The following LARS2 variants were observed in gnomAD, a reference collection of about 807,000 sequenced individuals.
LARS2 encodes leucine--tRNA ligase, mitochondrial.
In LARS2, 81 loss-of-function variants were observed where a neutral mutation model predicts 116.6. The observed-to-expected ratio is 0.69, with a 90% CI of 0.58 to 0.84. The LOEUF is 0.84. Among genes scored for constraint, LARS2 ranks in the 40% least tolerant of loss-of-function variants. The pLI is 0.00. For missense variants in LARS2, 968 were observed against 1,114.5 expected (o/e 0.87, Z 1.87); for synonymous variants, 396 against 407.2 (o/e 0.97, Z 0.33).
intron 10 of LARS2, among the ~76,000 whole-genome samples, chr3:45,484,403 A>G (rs9874720): frequency 0.8 from 119,122 of 149,266 alleles, 51,721 homozygotes; most frequent in East Asian, 0.98. Flanking sequence ...CCAGCTCTCC[A>G]TATAGTCACA....
chr3:45,426,703 T>C (rs1354012817), intron 6 of LARS2, among the ~76,000 whole-genome samples: 1 of 152,096 alleles, frequency 6.6e-6, no homozygotes, highest in East Asian at 1.9e-4. Flanking sequence ...CAAAAACATA[T>C]GAGGTGTGTT....
chr3:45,520,562 C>T (rs958953529), intron 19 of LARS2, among the ~76,000 whole-genome samples: 1 of 152,186 alleles, frequency 6.6e-6, no homozygotes, highest in Non-Finnish European at 1.5e-5. Flanking sequence ...GATGACATGT[C>T]TGGTTGATTA....
intron 9 of LARS2, among the ~76,000 whole-genome samples, chr3:45,475,784 G>T (rs1352854841): frequency 6.6e-6 from 1 of 152,196 alleles, no homozygotes; most frequent in Non-Finnish European, 1.5e-5. Flanking sequence ...CACCTAATTG[G>T]CAGTTAGGCC....
chr3:45,524,075 C>T lies in LARS2; in HGVS notation c.2371C>T (p.Leu791=). The change falls in exon 20 of 22, where the codon CTG becomes TTG. Residue 791 remains leucine (L), a synonymous_variant. Transcript: ENST00000645846. ...LCALMVMAAP[L]APHVTSEIWA... Reference sequence around the variant, plus strand: ...TGCCCTGATGGTAATGGCTGCTCCACTGGCCCCTCATGTAACCTCAGAGAT... The same window carrying T: ...TGCCCTGATGGTAATGGCTGCTCCATTGGCCCCTCATGTAACCTCAGAGAT... 1 of 1,613,654 alleles carries T rather than the reference C, an allele frequency of 6.2e-7. No individual in the cohort carries two copies. Among genetic ancestry groups the T allele is most frequent in the Non-Finnish European group, 8.5e-7 (1 of 1,179,550 alleles).
intron 6 of LARS2, among the ~76,000 whole-genome samples, chr3:45,429,862 C>G (rs555637808): frequency 1.3e-5 from 2 of 151,480 alleles, no homozygotes; most frequent in South Asian, 4.2e-4. Context: ...CCACCACACC[C>G]AGCTGATTTT....
chr3:45,429,718 T>TTTTTTTC (rs1272652354), intron 6 of LARS2, among the ~76,000 whole-genome samples: 2 of 150,198 alleles, frequency 1.3e-5, no homozygotes, highest in African/African-American at 4.9e-5. Flanking sequence ...TTTTTTTTTT[T>TTTTTTTC]TGAGATAGGG....
chr3:45,490,556 G>A (rs1184433560), intron 12 of LARS2, among the ~76,000 whole-genome samples: 2 of 152,252 alleles, frequency 1.3e-5, no homozygotes, highest in Non-Finnish European at 2.9e-5. Flanking sequence ...TTTGCATCAC[G>A]ACTGTGATAA....
intron 4 of LARS2, among the ~76,000 whole-genome samples, chr3:45,409,561 A>G (rs1168416091): frequency 1.3e-5 from 2 of 152,226 alleles, no homozygotes; most frequent in African/African-American, 4.8e-5. Context: ...GGAAGGGACA[A>G]GCTTTGGTAT....
intron 6 of LARS2, among the ~76,000 whole-genome samples, chr3:45,424,244 C>T (rs774468149): frequency 6.6e-6 from 1 of 152,048 alleles, no homozygotes; most frequent in Non-Finnish European, 1.5e-5. Flanking sequence ...ATCATAGAGT[C>T]GAAAATACAT....
intron 8 of LARS2, among the ~76,000 whole-genome samples, chr3:45,467,296 T>C (rs568958422): frequency 6.6e-6 from 1 of 152,314 alleles, no homozygotes; most frequent in South Asian, 2.1e-4. Flanking sequence ...TACTGTGTTT[T>C]TCAAAATAAC....
intron 10 of LARS2, among the ~76,000 whole-genome samples, chr3:45,484,614 A>ATATATATATAT (rs1326371523): frequency 7.1e-5 from 1 of 14,010 alleles, no homozygotes; most frequent in Non-Finnish European, 2.6e-4. Context: ...AAAAAAAAAA[A>ATATATATATAT]AAAAAAAAAA....
In LARS2 at chr3:45,413,326, A is replaced by G. The variant is rs149813271; in HGVS notation, c.364-4156A>G. 2.4e-4 allele frequency among the ~76,000 whole-genome samples: 36 copies of G among 152,378 alleles called. No individual in the cohort carries two copies. The South Asian group carries it at 4.6e-3, about 19-fold the overall frequency. ...AATCAGTGATGTGCGATGCTGTGAG[A>G]TGCTAAAGATCAAGAAAGCAGACAG... On this transcript the variant is annotated intron_variant, in intron 4 of 21. Coordinates refer to ENST00000645846, the MANE Select transcript of LARS2 (RefSeq NM_015340.4).
chr3:45,439,624 G>T (rs79944761), intron 6 of LARS2, among the ~76,000 whole-genome samples: 3 of 145,356 alleles, frequency 2.1e-5, no homozygotes, highest in South Asian at 2.2e-4. Context: ...ATTTCTAACT[G>T]TTTTTTTTTT....
At chr3:45,542,381 A>G (rs971565673) in intron 21 of LARS2, among the ~76,000 whole-genome samples, 2 of 152,186 alleles carry the variant, frequency 1.3e-5, no homozygotes, top group African/African-American at 4.8e-5. Flanking sequence ...ATATTTCAGA[A>G]AGGCTCCATA....
At chr3:45,458,483 G>A (rs1047404234) in intron 7 of LARS2, among the ~76,000 whole-genome samples, 1 of 152,102 alleles carries the variant, frequency 6.6e-6, no homozygotes, top group African/African-American at 2.4e-5. Flanking sequence ...ACGAGGTCAG[G>A]CATTTGAGAC....
At chr3:45,390,187 G>A (rs1395165046) in intron 1 of LARS2, among the ~76,000 whole-genome samples, 2 of 151,890 alleles carry the variant, frequency 1.3e-5, no homozygotes, top group East Asian at 3.9e-4. Context: ...AACTTTCATT[G>A]TTTTAATTTG....
At chr3:45,426,395 G>A (rs752101015) in intron 6 of LARS2, among the ~76,000 whole-genome samples, 2 of 152,234 alleles carry the variant, frequency 1.3e-5, no homozygotes, top group African/African-American at 4.8e-5. Flanking sequence ...CCTCTTTCAA[G>A]TGCTCACAGA....
intron 6 of LARS2, among the ~76,000 whole-genome samples, chr3:45,432,627 T>C (rs1698738087): frequency 6.6e-6 from 1 of 151,972 alleles, no homozygotes; most frequent in African/African-American, 2.4e-5. Context: ...TTATGGAATA[T>C]AGCAAAAAAG....
intron 6 of LARS2, among the ~76,000 whole-genome samples, chr3:45,445,235 C>CT (rs1294029170): frequency 1.3e-5 from 2 of 152,176 alleles, no homozygotes; most frequent in African/African-American, 4.8e-5. Flanking sequence ...GTGCCAGGAC[C>CT]TGAGCATACT....
Sources: allele counts gnomAD v4.1 joint callset (sites outside exome capture counted in the v4.1 genomes callset), GRCh38; gene constraint gnomAD v4.1.1; transcripts MANE v1.5; gene names NCBI Gene and HGNC (gene_info 2026-07-23, HGNC 2026-07-21).